The following ZNF521 variants were observed in gnomAD, a reference collection of about 807,000 sequenced individuals.
The protein encoded by ZNF521 is LYST-interacting protein 3.
ZNF521 carries 14 observed loss-of-function variants against 105.5 expected under a neutral mutation model. That is an observed-to-expected ratio of 0.13 (90% CI 0.09 to 0.21). The LOEUF is 0.21. Among genes scored for constraint, ZNF521 ranks in the 10% least tolerant of loss-of-function variants. The probability of loss-of-function intolerance (pLI) is 1.00; values close to 1 mark genes in which losing one functional copy is unlikely to be tolerated. For synonymous variants in ZNF521, 635 were observed against 606.0 expected (o/e 1.05, Z -0.70); for missense variants, 1,233 against 1,629.7 (o/e 0.76, Z 4.19).
At chr18:25,338,368 T>C (rs1221842858) in intron 2 of ZNF521, among the ~76,000 whole-genome samples, 6 of 151,420 alleles carry the variant, frequency 4.0e-5, no homozygotes, top group Non-Finnish European at 8.8e-5. Context: ...AAAAAAGTGC[T>C]AGTAGACATA....
chr18:25,267,187 G>A (rs1909327747), intron 3 of ZNF521, among the ~76,000 whole-genome samples: 1 of 152,116 alleles, frequency 6.6e-6, no homozygotes, highest in Admixed American at 6.5e-5. Context: ...GGAGCCCACC[G>A]CAGCTCAGCA....
intron 5 of ZNF521, 53 bp from the exon 6 acceptor site, chr18:25,092,134 T>A: frequency 6.2e-7 from 1 of 1,604,502 alleles, no homozygotes; most frequent in Admixed American, 1.7e-5. Context: ...ATATCTTTAA[T>A]ACACTAGAGA....
chr18:25,226,342 A>G lies in ZNF521; in HGVS notation c.1576T>C (p.Ser526Pro), dbSNP rs371804263. Reference sequence around the variant, plus strand: ...TGTCTAATATGCTCTTCCAGGGAAGAGTCAGTGAGAAACCCCATATAGCAA... The same window carrying G: ...TGTCTAATATGCTCTTCCAGGGAAGGGTCAGTGAGAAACCCCATATAGCAA... Reference protein sequence around the residue: ...PHCYMGFLTDSSLEEHIRQVH... With the variant: ...PHCYMGFLTDPSLEEHIRQVH... The change falls in exon 4 of 8, where the codon TCT becomes CCT. Residue 526 changes from serine (S) to proline (P), a missense_variant. Transcript: ENST00000361524. This position sits in a 1 kb window ranked among gnomAD's most constrained non-coding sequence, Gnocchi z 4.1. The G allele has an allele frequency of 6.2e-7, 1 of 1,614,090 alleles. No homozygotes were observed. The highest frequency in any genetic ancestry group is 1.3e-5 in the African/African-American group (1 of 74,934).
At chr18:25,062,822 TTCA>T in intron 7 of ZNF521, 81 bp from the exon 8 acceptor site, 1 of 1,312,958 alleles carries the variant, frequency 7.6e-7, no homozygotes, top group Non-Finnish European at 1.0e-6. Context: ...TGATTTCATT[TTCA>T]TCAGACCAAG....
chr18:25,345,693 T>C (rs1292804507), intron 2 of ZNF521, among the ~76,000 whole-genome samples: 1 of 152,238 alleles, frequency 6.6e-6, no homozygotes. Flanking sequence ...CCAACTGTAA[T>C]TGCTGTTTTT....
In ZNF521 at chr18:25,226,655, C is replaced by A. The variant is rs142646786; in HGVS notation, c.1263G>T (p.Leu421=). ...NKQLFSSLAV[L]QIHLKTMHLD... Reference sequence around the variant, plus strand: ...AGTGCATAGTTTTCAGGTGAATCTGCAGAACTGCAAGACTTGAAAATAATT... The same window carrying A: ...AGTGCATAGTTTTCAGGTGAATCTGAAGAACTGCAAGACTTGAAAATAATT... Residue 421 remains leucine, a synonymous_variant, in exon 4 of 8, where the codon CTG becomes CTT. Coordinates refer to ENST00000361524, the MANE Select transcript of ZNF521 (RefSeq NM_015461.3). This position sits in a 1 kb window ranked among gnomAD's most constrained non-coding sequence, Gnocchi z 4.1. The A allele has an allele frequency of 5.8e-5, 93 of 1,614,176 alleles. 1 individual carries two copies. In the African/African-American group the frequency reaches 9.3e-4, roughly 16 times the overall value.
chr18:25,331,623 C>A (rs536533881), intron 2 of ZNF521, among the ~76,000 whole-genome samples: 19 of 152,124 alleles, frequency 1.2e-4, no homozygotes, highest in Non-Finnish European at 2.8e-4. Context: ...ATACTTACAC[C>A]AACTGTTTGT....
chr18:25,166,160 A>G (rs35051233), intron 5 of ZNF521, among the ~76,000 whole-genome samples: 4,763 of 152,250 alleles, frequency 0.031, 151 homozygotes, highest in East Asian at 0.13. Context: ...TCTCAACACA[A>G]TCTCTGCTGT....
At chr18:25,338,247 T>A (rs982768202) in intron 2 of ZNF521, among the ~76,000 whole-genome samples, 11 of 124,338 alleles carry the variant, frequency 8.8e-5, no homozygotes, top group African/African-American at 1.2e-4. Context: ...TCAAACAACC[T>A]CTCATAGACT....
chr18:25,274,577 C>T (rs182137423), intron 3 of ZNF521, among the ~76,000 whole-genome samples: 1 of 152,222 alleles, frequency 6.6e-6, no homozygotes, highest in Non-Finnish European at 1.5e-5. Context: ...TCTACCAACA[C>T]AACAAAATGG....
Position 25,153,878 on chromosome 18 carries a change from CACA to C in ZNF521, c.3658+41279_3658+41281del, listed in dbSNP as rs1269810178. On this transcript the variant is annotated intron_variant, in intron 5 of 7. Transcript: ENST00000361524. ...GGTTCACCAGTCGTAATATCAAGAACACAACAAAACAAGCACAGATACTTTATC... is the reference window on the plus strand; with the variant it reads ...GGTTCACCAGTCGTAATATCAAGAACACAAAACAAGCACAGATACTTTATC... Among the ~76,000 whole-genome samples the C allele has an allele frequency of 1.3e-5, 2 of 152,170 alleles. 1 individual carries two copies. Among genetic ancestry groups the C allele is most frequent in the Non-Finnish European group, 2.9e-5 (2 of 68,038 alleles).
intron 3 of ZNF521, among the ~76,000 whole-genome samples, chr18:25,259,069 T>C (rs890363361): frequency 6.6e-6 from 1 of 152,182 alleles, no homozygotes; most frequent in Non-Finnish European, 1.5e-5. Context: ...GTGGAAGATT[T>C]GAACCCATGT....
intron 3 of ZNF521, among the ~76,000 whole-genome samples, chr18:25,291,928 C>T (rs1298957459): frequency 6.7e-6 from 1 of 148,274 alleles, no homozygotes; most frequent in Non-Finnish European, 1.5e-5. Context: ...CCAATCATTG[C>T]ACCAAGAAAA....
At chr18:25,112,659 G>C (rs1035326126) in intron 5 of ZNF521, among the ~76,000 whole-genome samples, 3 of 152,078 alleles carry the variant, frequency 2.0e-5, no homozygotes, top group African/African-American at 7.2e-5. Context: ...GGTGCGGGGG[G>C]GCAGAGTCCA....
intron 3 of ZNF521, among the ~76,000 whole-genome samples, chr18:25,307,506 G>A (rs1228824609): frequency 6.6e-6 from 1 of 152,188 alleles, no homozygotes; most frequent in Non-Finnish European, 1.5e-5. Flanking sequence ...ATGCAGGCCA[G>A]AGAATCAAAT....
chr18:25,335,426 C>G (rs565821322), intron 2 of ZNF521, among the ~76,000 whole-genome samples: 1 of 152,246 alleles, frequency 6.6e-6, no homozygotes, highest in Non-Finnish European at 1.5e-5. Context: ...ACACTCTGTA[C>G]CTCGCCTAAC....
intron 7 of ZNF521, among the ~76,000 whole-genome samples, chr18:25,067,718 A>G (rs2144109422): frequency 6.6e-6 from 1 of 152,342 alleles, no homozygotes; most frequent in African/African-American, 2.4e-5. Flanking sequence ...GAGGAAAGCC[A>G]GGGGGAACCT....
At chr18:25,350,877 GA>G (rs1914719999) in intron 2 of ZNF521, 29 bp downstream of exon 2, 1 of 1,546,270 alleles carries the variant, frequency 6.5e-7, no homozygotes, top group African/African-American at 1.4e-5. Context: ...GCGGATGGGG[GA>G]AAGCGGGGAG....
intron 3 of ZNF521, among the ~76,000 whole-genome samples, chr18:25,303,202 T>C (rs573640017): frequency 6.6e-6 from 1 of 151,738 alleles, no homozygotes; most frequent in South Asian, 2.1e-4. Flanking sequence ...ACCACTGAGT[T>C]CCCAAACCAG....
Sources: gnomAD v4.1 joint callset for allele counts (sites outside exome capture counted in the v4.1 genomes callset) on GRCh38, gnomAD v4.1.1 for gene constraint, Gnocchi (gnomAD v3.1) non-coding constraint, MANE v1.5 for transcripts, NCBI Gene and HGNC (gene_info 2026-07-23, HGNC 2026-07-21) for gene names.